The following TMEM132D variants were observed in gnomAD, a reference collection of about 807,000 sequenced individuals.
TMEM132D encodes the protein mature OL transmembrane protein.
Under a neutral mutation model 62.3 loss-of-function variants are expected in TMEM132D, and 21 were observed. The ratio of observed to expected loss-of-function variants is 0.34; its 90% confidence interval spans 0.24 to 0.49. The LOEUF (loss-of-function observed/expected upper bound fraction) is 0.49, where lower values mean the gene tolerates loss of function less well. Among genes scored for constraint, TMEM132D ranks in the 20% least tolerant of loss-of-function variants. TMEM132D has a pLI of 0.99. For missense variants in TMEM132D, 1,346 were observed against 1,402.8 expected (o/e 0.96, Z 0.65); for synonymous variants, 621 against 575.6 (o/e 1.08, Z -1.13).
chr12:129,341,192 T>C (rs1869468526), intron 3 of TMEM132D, among the ~76,000 whole-genome samples: 1 of 152,240 alleles, frequency 6.6e-6, no homozygotes, highest in Non-Finnish European at 1.5e-5. Context: ...CCTTTGCAGT[T>C]TGTGTGTCTG....
chr12:129,665,055 AAC>A (rs1189724207), intron 2 of TMEM132D, among the ~76,000 whole-genome samples: 1 of 152,096 alleles, frequency 6.6e-6, no homozygotes, highest in Non-Finnish European at 1.5e-5. Context: ...ATTAACTACT[AAC>A]ACACAGTTAG....
chr12:129,730,426 G>T (rs1399951783), intron 1 of TMEM132D, among the ~76,000 whole-genome samples: 1 of 152,144 alleles, frequency 6.6e-6, no homozygotes, highest in Non-Finnish European at 1.5e-5. Context: ...AATTGGTTAA[G>T]AGCTTTATAT....
In TMEM132D at chr12:129,345,860, C is replaced by T. The variant is rs189509718; in HGVS notation, c.1116-8043G>A. 8.7e-3 allele frequency among the ~76,000 whole-genome samples: 1,320 copies of T among 152,154 alleles called. 13 individuals carry two copies. The highest frequency in any genetic ancestry group is 0.013 in the Non-Finnish European group (906 of 67,974). On this transcript the variant is annotated intron_variant, in intron 3 of 8. Transcript: ENST00000422113. Reference sequence around the variant, plus strand: ...TTGCCAGTATTTTATTGAGGATTTTCGCATCGATGTTCATCAGGGATATTG... The same window carrying T: ...TTGCCAGTATTTTATTGAGGATTTTTGCATCGATGTTCATCAGGGATATTG...
intron 5 of TMEM132D, among the ~76,000 whole-genome samples, chr12:129,194,566 T>A (rs1422556263): frequency 6.6e-6 from 1 of 152,152 alleles, no homozygotes; most frequent in East Asian, 1.9e-4. Flanking sequence ...ATGACACGAG[T>A]TTACCTACGT....
chr12:129,366,098 T>C (rs1005285230), intron 3 of TMEM132D, among the ~76,000 whole-genome samples: 1 of 152,014 alleles, frequency 6.6e-6, no homozygotes, highest in African/African-American at 2.4e-5. Flanking sequence ...ATAAATAAAA[T>C]AATTAAAATT....
At position 129,162,440 on chromosome 12, in the gene TMEM132D, A is replaced by G. The variant is rs76643828; in HGVS notation, c.1443+47080T>C. On this transcript the variant is annotated intron_variant, in intron 5 of 8. Coordinates refer to ENST00000422113, the MANE Select transcript of TMEM132D (RefSeq NM_133448.3). The stretch of plus-strand genomic sequence containing the variant: ...TATTTTGTTATGGCAGTCGGAGCTG[A>G]CAAATACAGTGAACATGGAAAGTAA... Among the ~76,000 whole-genome samples, 792 of 152,316 alleles carry G rather than the reference A, an allele frequency of 5.2e-3. 22 individuals carry two copies. Among genetic ancestry groups the G allele is most frequent in the Admixed American group, 0.037 (569 of 15,310 alleles).
intron 2 of TMEM132D, among the ~76,000 whole-genome samples, chr12:129,620,576 G>C (rs758403440): frequency 1.3e-5 from 2 of 152,282 alleles, no homozygotes; most frequent in Middle Eastern, 3.4e-3. Context: ...TCCAGCCTGG[G>C]TGACAGAGTG....
At chr12:129,718,953 T>C (rs264473) in intron 1 of TMEM132D, among the ~76,000 whole-genome samples, 138,573 of 152,028 alleles carry the variant, frequency 0.91, 63,676 homozygotes, top group East Asian at 0.98. Context: ...AAGCCACCCA[T>C]GGGCGGGGTA....
intron 2 of TMEM132D, among the ~76,000 whole-genome samples, chr12:129,583,942 C>T (rs1273089745): frequency 6.6e-6 from 1 of 152,174 alleles, no homozygotes; most frequent in Non-Finnish European, 1.5e-5. Context: ...CAAATTTTCT[C>T]TTTTATAAAT....
intron 3 of TMEM132D, among the ~76,000 whole-genome samples, chr12:129,388,472 C>T (rs112410067): frequency 2.3e-4 from 22 of 96,696 alleles, no homozygotes; most frequent in African/African-American, 4.0e-4. Flanking sequence ...ATATTAACAC[C>T]AACACAAATC....
chr12:129,521,877 G>T (rs1218542541), intron 3 of TMEM132D: 1 of 151,572 alleles, frequency 6.6e-6, no homozygotes. Context: ...CTAGAATTGG[G>T]ATAGAAATAA....
At chr12:129,575,358 T>C (rs545498332) in intron 2 of TMEM132D, among the ~76,000 whole-genome samples, 2 of 151,988 alleles carry the variant, frequency 1.3e-5, no homozygotes, top group South Asian at 4.1e-4. Context: ...TGCGTTATTA[T>C]GGCTCCCCAG....
At chr12:129,267,595 T>C (rs1880730485) in intron 4 of TMEM132D, among the ~76,000 whole-genome samples, 2 of 152,118 alleles carry the variant, frequency 1.3e-5, no homozygotes, top group South Asian at 2.1e-4. Flanking sequence ...ATAGTGAAAA[T>C]GGTCATACTG....
chr12:129,759,590 G>C (rs562325730), intron 1 of TMEM132D, among the ~76,000 whole-genome samples: 1 of 152,200 alleles, frequency 6.6e-6, no homozygotes, highest in Non-Finnish European at 1.5e-5. Context: ...ACATGAGAGA[G>C]TAGGTAAAAG....
intron 4 of TMEM132D, among the ~76,000 whole-genome samples, chr12:129,290,336 G>A (rs1334153508): frequency 6.6e-6 from 1 of 152,042 alleles, no homozygotes; most frequent in Non-Finnish European, 1.5e-5. Context: ...CTTTACGTGA[G>A]TGAGAAACAG....
intron 3 of TMEM132D, among the ~76,000 whole-genome samples, chr12:129,435,600 T>G (rs1872766830): frequency 6.6e-6 from 1 of 152,144 alleles, no homozygotes; most frequent in Admixed American, 6.5e-5. Context: ...GCTTGCCACC[T>G]CCAGCAAAGG....
Position 129,390,452 on chromosome 12 carries a change from C to T in TMEM132D, c.1116-52635G>A, listed in dbSNP as rs113995833. ...TATGGCAAGCTGGCTGGAGTCCACA[C>T]TCCTAACCAGAAACAGCTTTCTGAT... is the stretch of plus-strand genomic sequence containing the variant. On this transcript the variant is annotated intron_variant, in intron 3 of 8. Coordinates refer to ENST00000422113, the MANE Select transcript of TMEM132D (RefSeq NM_133448.3). Among the ~76,000 whole-genome samples, 1,288 of 152,210 alleles carry T rather than the reference C, an allele frequency of 8.5e-3. 24 individuals are homozygous for T. Among genetic ancestry groups the T allele is most frequent in the African/African-American group, 0.029 (1,203 of 41,536 alleles).
At chr12:129,793,980 A>G (rs1021496458) in intron 1 of TMEM132D, among the ~76,000 whole-genome samples, 1 of 152,250 alleles carries the variant, frequency 6.6e-6, no homozygotes, top group African/African-American at 2.4e-5. Flanking sequence ...TTATACACAC[A>G]CAAATACATA....
In TMEM132D at chr12:129,733,079, A is replaced by G. The variant is rs147318946; in HGVS notation, c.80-32381T>C. ...TGGGTCCTGATCTGTGTCCTTTACC[A>G]TAACATTTTGATCATAGGGACAGCA... On this transcript the variant is annotated intron_variant, in intron 1 of 8. Coordinates refer to ENST00000422113, the MANE Select transcript of TMEM132D (RefSeq NM_133448.3). 9.8e-3 allele frequency among the ~76,000 whole-genome samples: 1,488 copies of G among 152,234 alleles called. 23 individuals are homozygous for G. The highest frequency in any genetic ancestry group is 0.032 in the African/African-American group (1,326 of 41,528).
Sources: allele counts gnomAD v4.1 joint callset (sites outside exome capture counted in the v4.1 genomes callset), GRCh38; gene constraint gnomAD v4.1.1; transcripts MANE v1.5; gene names NCBI Gene and HGNC (gene_info 2026-07-23, HGNC 2026-07-21).